The following KNL1 variants were observed in gnomAD, a reference collection of about 807,000 sequenced individuals.
KNL1 encodes kinetochore scaffold 1.
A neutral mutation model predicts 201.3 loss-of-function variants in KNL1; 66 were observed. The observed-to-expected ratio is 0.33, with a 90% CI of 0.27 to 0.40. The LOEUF is 0.40. Among genes scored for constraint, KNL1 ranks in the 10% least tolerant of loss-of-function variants. KNL1 has a pLI of 1.00. For missense variants in KNL1, 2,815 were observed against 2,690.5 expected, an observed-to-expected ratio of 1.05 and a Z score of -1.02; for synonymous variants, 895 against 899.2, an observed-to-expected ratio of 1.00 and a Z score of 0.08.
chr15:40,608,811 T>G, intron 4 of KNL1, 36 bp from the exon 5 acceptor site: 1 of 1,464,404 alleles, frequency 6.8e-7, no homozygotes, highest in Non-Finnish European at 9.5e-7. Flanking sequence ...CACAGTGATT[T>G]TATTAAGAAT....
intron 6 of KNL1, among the ~76,000 whole-genome samples, chr15:40,611,127 C>G (rs1892144932): frequency 6.8e-6 from 1 of 146,422 alleles, no homozygotes; most frequent in African/African-American, 2.5e-5. Context: ...TTTTTTGAGA[C>G]AGAGTCTTGC....
chr15:40,639,077 G>A (rs1348807744), intron 13 of KNL1, among the ~76,000 whole-genome samples: 1 of 151,860 alleles, frequency 6.6e-6, no homozygotes, highest in Non-Finnish European at 1.5e-5. Flanking sequence ...ACAGGCATGA[G>A]CCTCTGCACC....
intron 1 of KNL1, among the ~76,000 whole-genome samples, chr15:40,597,925 A>G (rs1891666460): frequency 6.6e-6 from 1 of 152,098 alleles, no homozygotes. Flanking sequence ...TCATCCCAGC[A>G]CTTTGGGAGG....
Position 40,622,445 on chromosome 15 carries a change from C to G in KNL1, c.2181C>G (p.Gly727=). ...ISSHTVKSVL[G]QNSKLAEPLR... is the part of the protein sequence containing the mutation. ...GTCATACAGTGAAATCTGTACTAGGCCAGAATTCTAAACTGGCTGAGCCAC... is the reference window on the plus strand; with the variant it reads ...GTCATACAGTGAAATCTGTACTAGGGCAGAATTCTAAACTGGCTGAGCCAC... The change falls in exon 10 of 26, where the codon GGC becomes GGG. Residue 727 remains glycine, a synonymous_variant. Coordinates refer to ENST00000399668, the MANE Select transcript of KNL1 (RefSeq NM_144508.5). The G allele has an allele frequency of 6.2e-7, 1 of 1,613,796 alleles. No homozygotes were observed. Among genetic ancestry groups the G allele is most frequent in the East Asian group, 2.2e-5 (1 of 44,866 alleles).
At position 40,621,816 on chromosome 15, in the gene KNL1, A is replaced by G; in HGVS notation, c.1552A>G (p.Met518Val). The change falls in exon 10 of 26, where the codon ATG becomes GTG. Residue 518 changes from methionine (M) to valine (V), a missense_variant. Transcript: ENST00000399668. Reference protein sequence around the residue: ...IAAAPTPEKEMMLQNLMTTSE... With the variant: ...IAAAPTPEKEVMLQNLMTTSE... The stretch of plus-strand genomic sequence containing the variant: ...AGCTGCACCAACACCCGAAAAAGAA[A>G]TGATGCTCCAAAATCTTATGACCAC... 1 of 1,613,990 alleles carries G rather than the reference A, an allele frequency of 6.2e-7. No individual in the cohort carries two copies. The highest frequency in any genetic ancestry group is 1.1e-5 in the South Asian group (1 of 91,084).
In KNL1 at chr15:40,663,421, G is replaced by A. The variant is rs1893969236; in HGVS notation, c.*1233G>A. 1 of 182,452 alleles carries A rather than the reference G, an allele frequency of 5.5e-6. No homozygotes were observed. The highest frequency in any genetic ancestry group is 1.2e-5 in the Non-Finnish European group (1 of 85,686). 11.3% of individuals were successfully genotyped at this position (182,452 alleles called of 1,614,324 possible). On this transcript the variant is annotated 3_prime_UTR_variant, in exon 26 of 26. Coordinates refer to ENST00000399668, the MANE Select transcript of KNL1 (RefSeq NM_144508.5). ...ATTCATTTTTGTCTAGTACATATAT[G>A]TAAATATATTAATGTTGTTTTTGTG...
chr15:40,625,649 T>A lies in KNL1; in HGVS notation c.5376+9T>A, dbSNP rs766996537. ...CGACACAAGATCGGGAGGTGAGCTC[T>A]GTCTTGAACCAAAGAATGTTCTTGA... On this transcript the variant is annotated intron_variant, in intron 10 of 25. Transcript: ENST00000399668. 6.3e-7 allele frequency: 1 copy of A among 1,598,554 alleles called. No homozygotes were observed. Among genetic ancestry groups the A allele is most frequent in the South Asian group, 1.1e-5 (1 of 88,702 alleles).
intron 24 of KNL1, among the ~76,000 whole-genome samples, chr15:40,657,996 A>G (rs1018619598): frequency 6.6e-6 from 1 of 152,248 alleles, no homozygotes; most frequent in African/African-American, 2.4e-5. Flanking sequence ...ACTTGGGTGC[A>G]GTGGCTCACT....
At chr15:40,661,753 A>G (rs1203714389) in intron 25 of KNL1, among the ~76,000 whole-genome samples, 1 of 151,400 alleles carries the variant, frequency 6.6e-6, no homozygotes, top group Non-Finnish European at 1.5e-5. Context: ...TAAAAAATTG[A>G]TTAACCTGGC....
In KNL1 at chr15:40,622,507, G is replaced by A. The variant is rs377025605; in HGVS notation, c.2243G>A (p.Cys748Tyr). ...KSLSNPTPDY[C>Y]HDKMIICSEE... ...TTAAGCAATCCCACACCTGACTATT[G>A]CCATGACAAGATGATTATATGTTCA... Residue 748 changes from cysteine to tyrosine, a missense_variant, in exon 10 of 26, where the codon TGC (cysteine) becomes TAC (tyrosine). Around this residue, in one of 3 missense-constraint regions of KNL1, gnomAD observed 2,464 missense variants for 2,291.7 expected, o/e 1.08. Transcript: ENST00000399668. 13 of 1,613,868 alleles carry A rather than the reference G, an allele frequency of 8.1e-6. No individual in the cohort carries two copies. The highest frequency in any genetic ancestry group is 9.3e-6 in the Non-Finnish European group (11 of 1,179,926).
At chr15:40,645,802 G>A (rs899894144) in intron 16 of KNL1, 30 bp downstream of exon 16, 12 of 1,120,476 alleles carry the variant, frequency 1.1e-5, no homozygotes, top group Non-Finnish European at 1.4e-5. Flanking sequence ...ATCATAGAAA[G>A]AGAGAGATAT....
intron 13 of KNL1, among the ~76,000 whole-genome samples, chr15:40,632,921 C>G (rs1312459869): frequency 3.3e-5 from 5 of 151,738 alleles, no homozygotes; most frequent in Non-Finnish European, 7.4e-5. Context: ...AAAATACGAC[C>G]CAATTTAAAA....
In KNL1 at chr15:40,652,034, G is replaced by A. The variant is rs866692076; in HGVS notation, c.6344G>A (p.Ser2115Asn). 4 of 1,613,458 alleles carry A rather than the reference G, an allele frequency of 2.5e-6. No individual in the cohort carries two copies. The South Asian group carries it at 4.4e-5, about 18-fold the overall frequency. ...SLSEWDVVEW[S>N]DDQAVFTFVY... ...TCTGAGTGGGATGTCGTTGAGTGGA[G>A]TGATGATCAAGCTGTATTCACCTTT... is the stretch of plus-strand genomic sequence containing the variant. The change falls in exon 21 of 26, where the codon AGT (serine) becomes AAT (asparagine). Residue 2115 changes from serine to asparagine, a missense_variant. By Grantham distance (46) the Ser-to-Asn change is conservative. This residue lies in a region of KNL1 where 334 missense variants were observed against 362.6 expected (regional missense o/e 0.92). Coordinates refer to ENST00000399668, the MANE Select transcript of KNL1 (RefSeq NM_144508.5).
At chr15:40,650,517 G>GTTTTTTTTTT in intron 18 of KNL1, 27 bp from the exon 19 acceptor site, 2 of 1,417,298 alleles carry the variant, frequency 1.4e-6, no homozygotes, top group East Asian at 2.5e-5. Context: ...TGTTTGTTCT[G>GTTTTTTTTTT]TTTTTTTTTT....
At chr15:40,619,952 T>G (rs1467412976) in intron 9 of KNL1, among the ~76,000 whole-genome samples, 1 of 152,114 alleles carries the variant, frequency 6.6e-6, no homozygotes, top group Non-Finnish European at 1.5e-5. Flanking sequence ...TCCTAATAGA[T>G]TGGGTATTAC....
At chr15:40,644,861 C>T in intron 14 of KNL1, 136 bp from the exon 15 acceptor site, 2 of 511,638 alleles carry the variant, frequency 3.9e-6, no homozygotes, top group East Asian at 6.5e-5. Context: ...TTAACAACAT[C>T]TCAGCAAAAC....
Position 40,622,984 on chromosome 15 carries a change from A to G in KNL1, c.2720A>G (p.Tyr907Cys), listed in dbSNP as rs1330974790. ...GCAGGAACTTCTGAAACTATTTTAT[A>G]TACATGTAGGCAGGATGACATGGAG... is the stretch of plus-strand genomic sequence containing the variant. ...PLAGTSETIL[Y>C]TCRQDDMEIT... is the part of the protein sequence containing the mutation. The change falls in exon 10 of 26, where the codon TAT becomes TGT. Residue 907 changes from tyrosine to cysteine, a missense_variant. Physicochemically the swap from Tyr to Cys is radical, Grantham distance 194. Coordinates refer to ENST00000399668, the MANE Select transcript of KNL1 (RefSeq NM_144508.5). The G allele has an allele frequency of 6.2e-7, 1 of 1,613,954 alleles. No homozygotes were observed. The highest frequency in any genetic ancestry group is 1.1e-5 in the South Asian group (1 of 91,074).
chr15:40,631,270 C>A (rs2141734281), intron 13 of KNL1, among the ~76,000 whole-genome samples: 1 of 151,848 alleles, frequency 6.6e-6, no homozygotes, highest in Admixed American at 6.6e-5. Context: ...AGGTTGGGGA[C>A]TGCTGTTGTA....
Position 40,661,495 on chromosome 15 carries a change from G to C in KNL1, c.6837-579G>C, listed in dbSNP as rs1893907978. 2.0e-5 allele frequency among the ~76,000 whole-genome samples: 3 copies of C among 152,162 alleles called. 1 individual carries two copies. The highest frequency in any genetic ancestry group is 2.0e-4 in the Admixed American group (3 of 15,272). On this transcript the variant is annotated intron_variant, in intron 25 of 25. Transcript: ENST00000399668. ...TGGGCAACAGAGCAAGACTCTGGGGGTGGGGAAAAATTTGCTCACCTTATA... is the reference window on the plus strand; with the variant it reads ...TGGGCAACAGAGCAAGACTCTGGGGCTGGGGAAAAATTTGCTCACCTTATA...
Sources: allele counts gnomAD v4.1 joint callset (sites outside exome capture counted in the v4.1 genomes callset), GRCh38; gene constraint gnomAD v4.1.1; regional missense constraint gnomAD v4.1.1; transcripts MANE v1.5; gene names NCBI Gene and HGNC (gene_info 2026-07-23, HGNC 2026-07-21).